The following UQCC1 variants were observed in gnomAD, a reference collection of about 807,000 sequenced individuals.
UQCC1 encodes ubiquinol-cytochrome c reductase complex assembly factor 1.
In UQCC1, 38 loss-of-function variants were observed where a neutral mutation model predicts 48.0. The observed-to-expected ratio is 0.79, with a 90% CI of 0.61 to 1.04. The LOEUF is 1.04. Among genes scored for constraint, UQCC1 ranks in the 50% least tolerant of loss-of-function variants. The probability of loss-of-function intolerance (pLI) is 0.00; values close to 1 mark genes in which losing one functional copy is unlikely to be tolerated. For missense variants in UQCC1, 368 were observed against 381.8 expected (o/e 0.96, Z 0.30); for synonymous variants, 111 against 129.2 (o/e 0.86, Z 0.95).
At chr20:35,309,408 G>T (rs1207265540) in intron 8 of UQCC1, among the ~76,000 whole-genome samples, 3 of 151,954 alleles carry the variant, frequency 2.0e-5, no homozygotes, top group Non-Finnish European at 4.4e-5. Flanking sequence ...ACTCCAGCCT[G>T]GGCAACAGAG....
At chr20:35,309,206 G>A (rs958315000) in intron 8 of UQCC1, 2 of 455,786 alleles carry the variant, frequency 4.4e-6, no homozygotes, top group African/African-American at 4.0e-5. Context: ...TCCAAGCTGG[G>A]TGGATCACTT....
intron 2 of UQCC1, among the ~76,000 whole-genome samples, chr20:35,391,802 T>C (rs1451671958): frequency 2.0e-5 from 3 of 152,168 alleles, no homozygotes; most frequent in Non-Finnish European, 2.9e-5. Flanking sequence ...CTGGTTTCAG[T>C]AATTGCACCA....
intron 8 of UQCC1, among the ~76,000 whole-genome samples, chr20:35,310,181 C>G (rs1008625674): frequency 6.6e-6 from 1 of 152,116 alleles, no homozygotes; most frequent in Non-Finnish European, 1.5e-5. Context: ...AGAGCCAGAC[C>G]GTGTTTGTTT....
At position 35,334,794 on chromosome 20, in the gene UQCC1, C is replaced by G. The variant is rs950236792; in HGVS notation, c.573+12370G>C. Among the ~76,000 whole-genome samples the G allele has an allele frequency of 1.6e-4, 25 of 152,146 alleles. 1 individual carries two copies. Among genetic ancestry groups the G allele is most frequent in the Non-Finnish European group, 2.9e-5 (2 of 68,026 alleles). On this transcript the variant is annotated intron_variant, in intron 7 of 9. Coordinates refer to ENST00000374385, the MANE Select transcript of UQCC1 (RefSeq NM_018244.5). ...CAGAAATCAGACAGAGAGTGATGAA[C>G]TGCTAAAAAAACAGAACACAAGCTC...
chr20:35,338,878 A>AT (rs2061344260), intron 7 of UQCC1, among the ~76,000 whole-genome samples: 4 of 60,588 alleles, frequency 6.6e-5, no homozygotes, highest in African/African-American at 6.5e-4. Context: ...AAAAAAAAAA[A>AT]AAAAAAAAAA....
chr20:35,306,644 G>C, intron 9 of UQCC1, 22 bp downstream of exon 9: 12 of 1,588,526 alleles, frequency 7.6e-6, no homozygotes, highest in Non-Finnish European at 1.0e-5. Context: ...GGACTTGGGA[G>C]GGGAGGGAAA....
chr20:35,374,288 C>T, intron 4 of UQCC1, 32 bp from the exon 5 acceptor site: 1 of 1,547,370 alleles, frequency 6.5e-7, no homozygotes, highest in Non-Finnish European at 8.9e-7. Context: ...AAACTCAAGA[C>T]ATGACCAAGT....
At chr20:35,405,567 G>T (rs1323275969) in intron 1 of UQCC1, among the ~76,000 whole-genome samples, 2 of 152,196 alleles carry the variant, frequency 1.3e-5, no homozygotes, top group Admixed American at 6.5e-5. Flanking sequence ...TATGTTCAAA[G>T]ATCTAAATGA....
At position 35,306,811 on chromosome 20, in the gene UQCC1, A is replaced by G. The variant is rs2060934500; in HGVS notation, c.652-32T>C. ...CATACAGCACAGCAGTGGTCTCCTG[A>G]GGGATCCACAGAGCCAGGACACAGA... On this transcript the variant is annotated intron_variant, in intron 8 of 9. Coordinates refer to ENST00000374385, the MANE Select transcript of UQCC1 (RefSeq NM_018244.5). 3 of 1,535,932 alleles carry G rather than the reference A, an allele frequency of 2.0e-6. No individual in the cohort carries two copies. In the East Asian group the frequency reaches 6.7e-5, roughly 35 times the overall value.
chr20:35,402,347 G>A (rs1317724381), intron 1 of UQCC1, among the ~76,000 whole-genome samples: 4 of 152,124 alleles, frequency 2.6e-5, no homozygotes, highest in African/African-American at 7.2e-5. Flanking sequence ...GGGAGGCCGA[G>A]GCAGGCAGAT....
intron 7 of UQCC1, among the ~76,000 whole-genome samples, chr20:35,341,806 T>G (rs1462093267): frequency 6.6e-6 from 1 of 151,978 alleles, no homozygotes; most frequent in Non-Finnish European, 1.5e-5. Flanking sequence ...AAGACAGAAA[T>G]AGCAAGGAAT....
intron 1 of UQCC1, among the ~76,000 whole-genome samples, chr20:35,407,851 C>T (rs1202988448): frequency 6.6e-6 from 1 of 152,160 alleles, no homozygotes; most frequent in African/African-American, 2.4e-5. Context: ...GGGGAAACCC[C>T]ATCTCTACTA....
At chr20:35,397,619 T>C (rs1568710288) in intron 1 of UQCC1, among the ~76,000 whole-genome samples, 1 of 151,746 alleles carries the variant, frequency 6.6e-6, no homozygotes, top group African/African-American at 2.4e-5. Flanking sequence ...TAATACAGTA[T>C]AACAACTATT....
intron 7 of UQCC1, among the ~76,000 whole-genome samples, chr20:35,321,283 T>TGTGTGTGTGCGCGC (rs1389196330): frequency 2.8e-5 from 4 of 141,536 alleles, no homozygotes; most frequent in African/African-American, 1.2e-4. Flanking sequence ...TGTGTGTGTG[T>TGTGTGTGTGCGCGC]GCGCGCGCGC....
chr20:35,409,509 CAT>C (rs2062310991), intron 1 of UQCC1: 1 of 171,362 alleles, frequency 5.8e-6, no homozygotes, highest in South Asian at 1.3e-4. Flanking sequence ...AATTTTGTTA[CAT>C]GTATTTTACC....
Position 35,303,972 on chromosome 20 carries a change from T to C in UQCC1, c.863A>G (p.Lys288Arg). The C allele has an allele frequency of 6.2e-7, 1 of 1,614,156 alleles. No homozygotes were observed. The highest frequency in any genetic ancestry group is 1.3e-5 in the African/African-American group (1 of 75,040). ...LVEKNPQSIL[K>R]PHSPTYNDEG... ...GTCGTTGTAAGTCGGAGAATGGGGC[T>C]TCAGGATGCTCTGAGGATTCTTCTC... Residue 288 changes from lysine to arginine, a missense_variant, in exon 10 of 10, where the codon AAG becomes AGG. By Grantham distance (26) the Lys-to-Arg change is conservative. Coordinates refer to ENST00000374385, the MANE Select transcript of UQCC1 (RefSeq NM_018244.5).
At chr20:35,326,132 T>G (rs776343642) in intron 7 of UQCC1, among the ~76,000 whole-genome samples, 1 of 152,070 alleles carries the variant, frequency 6.6e-6, no homozygotes, top group Non-Finnish European at 1.5e-5. Flanking sequence ...ATGGTGTAGA[T>G]GAGAGTCTGT....
chr20:35,396,275 G>C (rs533631361), intron 1 of UQCC1, among the ~76,000 whole-genome samples: 1 of 143,304 alleles, frequency 7.0e-6, no homozygotes, highest in Admixed American at 7.3e-5. Context: ...GTGAGCCACT[G>C]TGCCTGGCCT....
At chr20:35,324,497 G>T (rs559040701) in intron 7 of UQCC1, among the ~76,000 whole-genome samples, 30 of 152,116 alleles carry the variant, frequency 2.0e-4, no homozygotes, top group East Asian at 5.8e-4. Context: ...CAGCTAATTT[G>T]TTGTATTTTT....
Sources: allele counts gnomAD v4.1 joint callset (sites outside exome capture counted in the v4.1 genomes callset), GRCh38; gene constraint gnomAD v4.1.1; transcripts MANE v1.5; gene names NCBI Gene and HGNC (gene_info 2026-07-23, HGNC 2026-07-21).